MOV10L1: variants seen among roughly 807,000 people sequenced by gnomAD.
MOV10L1 encodes the protein Mov10 like RNA helicase 1, also known as RNA helicase Mov10l1.
A neutral mutation model predicts 143.8 loss-of-function variants in MOV10L1; 110 were observed. The ratio of observed to expected loss-of-function variants is 0.76; its 90% CI spans 0.66 to 0.90. MOV10L1 has a LOEUF of 0.90. Among genes scored for constraint, MOV10L1 ranks in the 40% least tolerant of loss-of-function variants. MOV10L1 has a pLI of 0.00. For missense variants in MOV10L1, 1,406 were observed against 1,526.8 expected, an observed-to-expected ratio of 0.92 and a Z score of 1.32; for synonymous variants, 593 against 581.1, an observed-to-expected ratio of 1.02 and a Z score of -0.29.
intron 10 of MOV10L1, among the ~76,000 whole-genome samples, chr22:50,122,047 C>T (rs2062361487): frequency 6.6e-6 from 1 of 152,146 alleles, no homozygotes; most frequent in Non-Finnish European, 1.5e-5. Context: ...GCCTCAGCCT[C>T]CCAAAGTGCT....
rs773244424 is a variant in MOV10L1 at position 50,150,825 on chromosome 22, C to T, written c.2818C>T (p.Arg940Trp). The change falls in exon 21 of 27, where the codon CGG becomes TGG. Residue 940 changes from arginine (R) to tryptophan (W), a missense_variant. Arg to Trp is a moderately radical substitution (Grantham distance 101, BLOSUM62 -3). Coordinates refer to ENST00000262794, the MANE Select transcript of MOV10L1 (RefSeq NM_018995.3). ...AYGLNVSFLE[R>W]LMSRPAYQRD... ...TGGGCTGAACGTGTCCTTTTTGGAA[C>T]GGCTGATGTCTCGACCCGCGTACCA... 22 of 1,614,078 alleles carry T rather than the reference C, an allele frequency of 1.4e-5. No homozygotes were observed. In the African/African-American group the frequency reaches 1.6e-4, roughly 12 times the overall value.
chr22:50,136,318 A>G lies in MOV10L1; in HGVS notation c.2070+1688A>G, dbSNP rs372013872. Among the ~76,000 whole-genome samples the G allele has an allele frequency of 2.2e-4, 33 of 152,338 alleles. No individual in the cohort carries two copies. The South Asian group carries it at 6.6e-3, about 31-fold the overall frequency. On this transcript the variant is annotated intron_variant, in intron 15 of 26. Coordinates refer to ENST00000262794, the MANE Select transcript of MOV10L1 (RefSeq NM_018995.3). Reference sequence around the variant, plus strand: ...GAGGTGTTACTATTTAGGTGGGCACATTCCTAATTGACTGTAGGTTTTAAA... The same window carrying G: ...GAGGTGTTACTATTTAGGTGGGCACGTTCCTAATTGACTGTAGGTTTTAAA...
intron 8 of MOV10L1, among the ~76,000 whole-genome samples, chr22:50,116,011 C>T (rs1172650896): frequency 2.0e-5 from 3 of 152,152 alleles, no homozygotes; most frequent in Non-Finnish European, 1.5e-5. Flanking sequence ...GCCCTGTCCT[C>T]CAGCTCCCTG....
In MOV10L1 at chr22:50,159,526, C is replaced by T. The variant is rs1376813241; in HGVS notation, c.3217-152C>T. On this transcript the variant is annotated intron_variant, in intron 23 of 26. Coordinates refer to ENST00000262794, the MANE Select transcript of MOV10L1 (RefSeq NM_018995.3). This position sits in a 1 kb window ranked among gnomAD's most constrained non-coding sequence, Gnocchi z 4.1. ...CTGAGGCAGGAGAATTGCTTGAACC[C>T]GGGAGGCAGAGGTTGCAGTGAGCCG... The T allele has an allele frequency of 2.3e-5, 10 of 434,380 alleles. No individual in the cohort carries two copies. The highest frequency in any genetic ancestry group is 1.6e-4 in the South Asian group (6 of 36,770). 26.9% of individuals were successfully genotyped at this position (434,380 alleles called of 1,614,324 possible). A position where few individuals can be genotyped will look rare whatever the true frequency, so the allele number is the denominator to read the frequency against.
chr22:50,154,393 T>TA (rs565898899), intron 22 of MOV10L1, among the ~76,000 whole-genome samples: 5 of 151,312 alleles, frequency 3.3e-5, no homozygotes, highest in Non-Finnish European at 7.4e-5. Context: ...TCCCATCTCT[T>TA]AAAAAAAAAT....
At chr22:50,135,183 T>G (rs71311688) in intron 15 of MOV10L1, among the ~76,000 whole-genome samples, 21,979 of 151,814 alleles carry the variant, frequency 0.14, 1,857 homozygotes, top group East Asian at 0.24. Flanking sequence ...CCAGCTAATT[T>G]TTGTATTTTT....
At chr22:50,133,362 G>A (rs979060633) in intron 13 of MOV10L1, among the ~76,000 whole-genome samples, 1 of 151,724 alleles carries the variant, frequency 6.6e-6, no homozygotes, top group Non-Finnish European at 1.5e-5. Context: ...GAGAGGCTGA[G>A]GTGGGAGGAT....
rs1200299611 is a variant in MOV10L1, at chr22:50,150,877, G to A, written c.2870G>A (p.Cys957Tyr). 7 of 1,614,080 alleles carry A rather than the reference G, an allele frequency of 4.3e-6. No homozygotes were observed. The highest frequency in any genetic ancestry group is 5.9e-6 in the Non-Finnish European group (7 of 1,180,038). ...AGGGACGAAAATGCTTTCGGTGCTTGTGGCGCACATAATCCCCTGTTGGTG... is the reference window on the plus strand; with the variant it reads ...AGGGACGAAAATGCTTTCGGTGCTTATGGCGCACATAATCCCCTGTTGGTG... ...YQRDENAFGA[C>Y]GAHNPLLVTK... Residue 957 changes from cysteine (C) to tyrosine (Y), a missense_variant, in exon 21 of 27, where the codon TGT becomes TAT. Coordinates refer to ENST00000262794, the MANE Select transcript of MOV10L1 (RefSeq NM_018995.3).
In MOV10L1 at chr22:50,115,253, G is replaced by T. The variant is rs756345837; in HGVS notation, c.1259+7G>T. ...TGGTCATCTGTGACGGAAAGTAAGGGCCTGGAGGTCTGGGGAGAGCCGCGT... is the reference window on the plus strand; with the variant it reads ...TGGTCATCTGTGACGGAAAGTAAGGTCCTGGAGGTCTGGGGAGAGCCGCGT... On this transcript the variant is annotated splice_region_variant and intron_variant, in intron 8 of 26. Transcript: ENST00000262794. 1.0e-4 allele frequency: 151 copies of T among 1,509,122 alleles called. No individual in the cohort carries two copies. In the Middle Eastern group the frequency reaches 1.6e-3, roughly 16 times the overall value. The allele number at this position is 1,509,122 out of a possible 1,614,324, so 93.5% of individuals were successfully genotyped here.
At chr22:50,099,771 C>A (rs929947785) in intron 3 of MOV10L1, among the ~76,000 whole-genome samples, 169 bp downstream of exon 3, 4 of 152,178 alleles carry the variant, frequency 2.6e-5, no homozygotes, top group African/African-American at 9.6e-5. Flanking sequence ...TATGATCCAG[C>A]CACTACACTC....
chr22:50,130,126 C>T (rs1430087799), intron 13 of MOV10L1, among the ~76,000 whole-genome samples: 1 of 151,904 alleles, frequency 6.6e-6, no homozygotes, highest in African/African-American at 2.4e-5. Flanking sequence ...AAATACAAAA[C>T]TTAGTGGGCA....
chr22:50,122,821 G>T (rs1030322823), intron 10 of MOV10L1, among the ~76,000 whole-genome samples: 46 of 145,970 alleles, frequency 3.2e-4, no homozygotes, highest in African/African-American at 1.1e-3. Context: ...CTCTCCTGTC[G>T]CCCAGGCTGG....
rs549792100 is a variant in MOV10L1 at position 50,114,328 on chromosome 22, T to C, written c.885-53T>C. On this transcript the variant is annotated intron_variant, in intron 6 of 26. Coordinates refer to ENST00000262794, the MANE Select transcript of MOV10L1 (RefSeq NM_018995.3). ...GGTTTTGTGTTTTATGATAACTGAA[T>C]ATTTTGGTTTTAGAAATCCTGGCTG... 12 of 1,586,664 alleles carry C rather than the reference T, an allele frequency of 7.6e-6. No homozygotes were observed. In the East Asian group the frequency reaches 2.7e-4, roughly 36 times the overall value.
At chr22:50,125,948 C>T (rs1051502718) in intron 11 of MOV10L1, among the ~76,000 whole-genome samples, 2 of 140,602 alleles carry the variant, frequency 1.4e-5, no homozygotes, top group Non-Finnish European at 3.1e-5. Context: ...CCACCACACC[C>T]GGCTGATTTT....
chr22:50,130,644 A>G lies in MOV10L1; in HGVS notation c.1910+2137A>G, dbSNP rs1294441430. On this transcript the variant is annotated intron_variant, in intron 13 of 26. Coordinates refer to ENST00000262794, the MANE Select transcript of MOV10L1 (RefSeq NM_018995.3). ...GCATGTGAGTGCCATGAGAAGACCC[A>G]GGAATGGGAAGGAAGGGGCAGCTGT... 8.6e-5 allele frequency among the ~76,000 whole-genome samples: 13 copies of G among 150,456 alleles called. No individual in the cohort carries two copies. In the Admixed American group the frequency reaches 8.8e-4, roughly 10 times the overall value.
At chr22:50,129,088 G>A (rs1226500584) in intron 13 of MOV10L1, among the ~76,000 whole-genome samples, 1 of 152,168 alleles carries the variant, frequency 6.6e-6, no homozygotes, top group East Asian at 1.9e-4. Context: ...GTGGATGGAA[G>A]TGGGCTCCTA....
chr22:50,142,709 G>A (rs902677149), intron 16 of MOV10L1, among the ~76,000 whole-genome samples: 6 of 152,052 alleles, frequency 3.9e-5, no homozygotes, highest in African/African-American at 7.2e-5. Flanking sequence ...GGTGGTGGGC[G>A]CCTGTGGTCC....
At chr22:50,129,318 C>T (rs1005694940) in intron 13 of MOV10L1, among the ~76,000 whole-genome samples, 7 of 152,188 alleles carry the variant, frequency 4.6e-5, no homozygotes, top group African/African-American at 1.2e-4. Context: ...CTTTTTCTTC[C>T]TCCACAAAAC....
intron 15 of MOV10L1, 114 bp downstream of exon 15, chr22:50,134,744 C>T (rs960420810): frequency 3.5e-6 from 3 of 853,970 alleles, no homozygotes; most frequent in Non-Finnish European, 3.8e-6. Flanking sequence ...GATGGCTCAG[C>T]GATGTAACTG....
Sources: gnomAD v4.1 joint callset for allele counts (sites outside exome capture counted in the v4.1 genomes callset) on GRCh38, gnomAD v4.1.1 for gene constraint, Gnocchi (gnomAD v3.1) non-coding constraint, MANE v1.5 for transcripts, NCBI Gene and HGNC (gene_info 2026-07-23, HGNC 2026-07-21) for gene names.